Variants in MPRIP observed in about 807,000 individuals in gnomAD.
The protein encoded by MPRIP is myosin phosphatase Rho interacting protein, also known as myosin phosphatase Rho-interacting protein.
Under a neutral mutation model 234.9 loss-of-function variants are expected in MPRIP, and 59 were observed. The observed-to-expected ratio is 0.25, with a 90% CI of 0.20 to 0.31. MPRIP has a LOEUF of 0.31. Ranked by LOEUF, MPRIP falls within the 10% of genes least tolerant of loss-of-function variation. The pLI, the probability that MPRIP is intolerant of heterozygous loss-of-function variation, is 1.00. For synonymous variants in MPRIP, 1,144 were observed against 1,263.9 expected (o/e 0.91, Z 2.01); for missense variants, 2,436 against 3,071.0 (o/e 0.79, Z 4.89).
chr17:17,043,362 A>G (rs1050709744), intron 1 of MPRIP, among the ~76,000 whole-genome samples: 2 of 152,010 alleles, frequency 1.3e-5, no homozygotes, highest in African/African-American at 4.8e-5. Context: ...GTTGGGGAGG[A>G]CTGTGGGCTT....
Position 17,183,654 on chromosome 17 carries a change from G to A in MPRIP, c.7207-1169G>A, listed in dbSNP as rs143147804. ...TCTGGGTAGAGCTGGGTGGGGTGGG[G>A]GACAGTGGAGCTCCCCCTTCCCTTG... On this transcript the variant is annotated intron_variant, in intron 23 of 23. Transcript: ENST00000651222. Among the ~76,000 whole-genome samples the A allele has an allele frequency of 2.5e-3, 379 of 152,048 alleles. 4 individuals are homozygous for A. The Middle Eastern group carries it at 0.031, about 12-fold the overall frequency.
chr17:17,047,745 G>A (rs1362706519), intron 1 of MPRIP, among the ~76,000 whole-genome samples: 1 of 152,206 alleles, frequency 6.6e-6, no homozygotes, highest in African/African-American at 2.4e-5. Context: ...AAACTTGGGG[G>A]ATGGGGAGGG....
chr17:17,160,107 G>T (rs1310017312), intron 14 of MPRIP, among the ~76,000 whole-genome samples: 1 of 152,164 alleles, frequency 6.6e-6, no homozygotes, highest in Non-Finnish European at 1.5e-5. Context: ...GGTGGCTCAC[G>T]CCTGTAATCC....
rs191971891 is a variant in MPRIP at position 17,067,606 on chromosome 17, G to A, written c.124-8104G>A. 9.2e-5 allele frequency among the ~76,000 whole-genome samples: 14 copies of A among 152,268 alleles called. 1 individual carries two copies. The East Asian group carries it at 1.3e-3, about 15-fold the overall frequency. ...TGGTTGACCGTGGGTAAGGGAAACC[G>A]TGGAACTGTGGATGGAGGAGGGGGG... is the stretch of plus-strand genomic sequence containing the variant. On this transcript the variant is annotated intron_variant, in intron 1 of 23. Coordinates refer to ENST00000651222, the MANE Select transcript of MPRIP (RefSeq NM_001364716.4).
chr17:17,121,865 A>G (rs772185489), intron 3 of MPRIP, among the ~76,000 whole-genome samples: 2 of 151,852 alleles, frequency 1.3e-5, no homozygotes, highest in African/African-American at 2.4e-5. Context: ...CCATGTGTCT[A>G]TATGTTCTCA....
chr17:17,163,749 G>A (rs2045921467), intron 15 of MPRIP, among the ~76,000 whole-genome samples: 1 of 152,100 alleles, frequency 6.6e-6, no homozygotes, highest in Non-Finnish European at 1.5e-5. Context: ...TGCAGGTGCT[G>A]TGCTCCTCCC....
chr17:17,079,896 C>A (rs1354227315), intron 3 of MPRIP, among the ~76,000 whole-genome samples: 1 of 152,216 alleles, frequency 6.6e-6, no homozygotes, highest in Non-Finnish European at 1.5e-5. Context: ...GGCCGCTTAG[C>A]CAGGAGCACC....
chr17:17,163,042 T>G (rs897926630), intron 15 of MPRIP, among the ~76,000 whole-genome samples: 42 of 152,218 alleles, frequency 2.8e-4, no homozygotes, highest in Admixed American at 1.1e-3. Context: ...TCCCTAAGTC[T>G]AATAACCTGT....
At position 17,110,740 on chromosome 17, in the gene MPRIP, C is replaced by G. The variant is rs113661696; in HGVS notation, c.268-15962C>G. On this transcript the variant is annotated intron_variant, in intron 3 of 23. Coordinates refer to ENST00000651222, the MANE Select transcript of MPRIP (RefSeq NM_001364716.4). ...AACCACAGTCTAGTCGTGAGAACAA[C>G]GTCAGACAAACCCAAATTGAGGTGC... 3.3e-5 allele frequency among the ~76,000 whole-genome samples: 5 copies of G among 152,342 alleles called. No individual in the cohort carries two copies. In the East Asian group the frequency reaches 9.6e-4, roughly 29 times the overall value.
rs1045319488 is a variant in MPRIP at position 17,138,883 on chromosome 17, G to C, written c.1250+454G>C. Among the ~76,000 whole-genome samples, 26 of 152,200 alleles carry C rather than the reference G, an allele frequency of 1.7e-4. No individual in the cohort carries two copies. Among genetic ancestry groups the C allele is most frequent in the African/African-American group, 6.3e-4 (26 of 41,456 alleles). Reference sequence around the variant, plus strand: ...CACTGAGAGGTTCAGAGGCAGACAGGCATGCCCAGGAAGGTGGGGGCAGCA... The same window carrying C: ...CACTGAGAGGTTCAGAGGCAGACAGCCATGCCCAGGAAGGTGGGGGCAGCA... On this transcript the variant is annotated intron_variant, in intron 7 of 23. Coordinates refer to ENST00000651222, the MANE Select transcript of MPRIP (RefSeq NM_001364716.4). The surrounding 1 kb of genome is among the most constrained non-coding windows in gnomAD (Gnocchi z 5.8).
intron 9 of MPRIP, 143 bp downstream of exon 9, chr17:17,143,812 G>A (rs1395769083): frequency 2.2e-6 from 1 of 463,272 alleles, no homozygotes; most frequent in Non-Finnish European, 3.8e-6. Flanking sequence ...CCCACCCACC[G>A]ACCCACAGGC....
At chr17:17,136,519 G>A in intron 6 of MPRIP, 69 bp downstream of exon 6, 2 of 1,468,308 alleles carry the variant, frequency 1.4e-6, no homozygotes, top group Admixed American at 2.0e-5. Flanking sequence ...TGGCCCTGGG[G>A]ATTCAGCCAA....
rs1245020822 is a variant in MPRIP at position 17,167,824 on chromosome 17, A to G, written c.6233A>G (p.Asp2078Gly). 1 of 1,304,258 alleles carries G rather than the reference A, an allele frequency of 7.7e-7. No individual in the cohort carries two copies. Among genetic ancestry groups the G allele is most frequent in the Admixed American group, 2.3e-5 (1 of 43,562 alleles). 80.8% of individuals were successfully genotyped at this position (1,304,258 alleles called of 1,614,324 possible). The change falls in exon 16 of 24, where the codon GAT becomes GGT. Residue 2078 changes from aspartate to glycine, a missense_variant. This residue lies in a region of MPRIP where 1,998 missense variants were observed against 2,520.3 expected (regional missense o/e 0.79). Coordinates refer to ENST00000651222, the MANE Select transcript of MPRIP (RefSeq NM_001364716.4). This position sits in a 1 kb window ranked among gnomAD's most constrained non-coding sequence, Gnocchi z 5.9. ...ERIQELEAQM[D>G]VMREELGHKD... ...ATCCAGGAGCTGGAGGCCCAGATGG[A>G]TGTCATGCGGGAGGAGCTGGGACAC...
chr17:17,176,484 T>C lies in MPRIP; in HGVS notation c.6929T>C (p.Leu2310Pro). ...TACCTGAAACAGGAGATTAGCTCCC[T>C]CAAGGATGAGCTGCAGACGGCACTG... Reference protein sequence around the residue: ...IQYLKQEISSLKDELQTALRD... With the variant: ...IQYLKQEISSPKDELQTALRD... The change falls in exon 21 of 24, where the codon CTC becomes CCC. Residue 2310 changes from leucine to proline, a missense_variant. Physicochemically the swap from Leu to Pro is moderately conservative, Grantham distance 98. Around this residue, in one of 4 missense-constraint regions of MPRIP, gnomAD observed 1,998 missense variants for 2,520.3 expected, o/e 0.79. Coordinates refer to ENST00000651222, the MANE Select transcript of MPRIP (RefSeq NM_001364716.4). 6.2e-7 allele frequency: 1 copy of C among 1,614,116 alleles called. No individual in the cohort carries two copies. Among genetic ancestry groups the C allele is most frequent in the Non-Finnish European group, 8.5e-7 (1 of 1,179,980 alleles).
At chr17:17,122,071 G>A (rs1468578377) in intron 3 of MPRIP, among the ~76,000 whole-genome samples, 1 of 152,068 alleles carries the variant, frequency 6.6e-6, no homozygotes, top group Non-Finnish European at 1.5e-5. Flanking sequence ...TCATTGATGG[G>A]CATTCCGTGT....
chr17:17,167,776 C>T lies in MPRIP; in HGVS notation c.6185C>T (p.Ser2062Phe). Reference protein sequence around the residue: ...NWQATQGEADSMTGLRERIQE... With the variant: ...NWQATQGEADFMTGLRERIQE... The stretch of plus-strand genomic sequence containing the variant: ...CAGGCCACCCAGGGAGAGGCTGACT[C>T]CATGACGGGGCTGAGGGAGCGCATC... Residue 2062 changes from serine (S) to phenylalanine (F), a missense_variant, in exon 16 of 24, where the codon TCC (serine) becomes TTC (phenylalanine). Transcript: ENST00000651222. The surrounding 1 kb of genome is among the most constrained non-coding windows in gnomAD (Gnocchi z 5.9). The T allele has an allele frequency of 7.7e-7, 1 of 1,304,234 alleles. No individual in the cohort carries two copies. Among genetic ancestry groups the T allele is most frequent in the Non-Finnish European group, 1.0e-6 (1 of 988,950 alleles). 80.8% of individuals were successfully genotyped at this position (1,304,234 alleles called of 1,614,324 possible).
chr17:17,154,506 G>C, intron 13 of MPRIP, 91 bp downstream of exon 13: 1 of 1,068,940 alleles, frequency 9.4e-7, no homozygotes, highest in Admixed American at 1.8e-5. Context: ...TGAAGTCTGA[G>C]ACCTGAGCTC....
rs1452070003 is a variant in MPRIP, at chr17:17,165,870, G to A, written c.4279G>A (p.Ala1427Thr). ...ALHHQWAGTE[A>T]QLREQLRASL... ...GCACCACCAGTGGGCGGGCACCGAG[G>A]CCCAGCTGCGTGAGCAGCTCCGCGC... The change falls in exon 16 of 24, where the codon GCC becomes ACC. Residue 1427 changes from alanine to threonine, a missense_variant. Coordinates refer to ENST00000651222, the MANE Select transcript of MPRIP (RefSeq NM_001364716.4). 3.8e-6 allele frequency: 5 copies of A among 1,304,150 alleles called. No individual in the cohort carries two copies. The African/African-American group carries it at 4.5e-5, about 12-fold the overall frequency. 80.8% of individuals were successfully genotyped at this position (1,304,150 alleles called of 1,614,324 possible).
At chr17:17,111,684 A>G (rs1192878052) in intron 3 of MPRIP, among the ~76,000 whole-genome samples, 2 of 152,130 alleles carry the variant, frequency 1.3e-5, no homozygotes, top group Non-Finnish European at 2.9e-5. Context: ...TGTTAAACCG[A>G]GGCAGCAGGA....
Sources: allele counts gnomAD v4.1 joint callset (sites outside exome capture counted in the v4.1 genomes callset), GRCh38; gene constraint gnomAD v4.1.1; regional missense constraint gnomAD v4.1.1; non-coding constraint Gnocchi (gnomAD v3.1); transcripts MANE v1.5; gene names NCBI Gene and HGNC (gene_info 2026-07-23, HGNC 2026-07-21).